Variants in MXRA5 observed in about 807,000 individuals in gnomAD.
The protein encoded by MXRA5 is matrix-remodeling-associated protein 5.
In MXRA5, 41 loss-of-function variants were observed where a neutral mutation model predicts 112.5. That is an observed-to-expected ratio of 0.36 (90% CI 0.28 to 0.47). The LOEUF is 0.47. Ranked by LOEUF, MXRA5 falls within the 20% of genes least tolerant of loss-of-function variation. The pLI is 0.99. For synonymous variants in MXRA5, 862 were observed against 900.8 expected (o/e 0.96, Z 0.77); for missense variants, 2,150 against 2,251.0 (o/e 0.96, Z 0.91).
chrX:3,343,898 G>A, intron 1 of MXRA5, 37 bp from the exon 2 acceptor site: 1 of 1,101,211 alleles, frequency 9.1e-7, no homozygotes, highest in Non-Finnish European at 1.2e-6. Flanking sequence ...CTTATTCACA[G>A]GTAGCACCGA....
intron 2 of MXRA5, among the ~76,000 whole-genome samples, chrX:3,341,683 A>T (rs1422351237): frequency 2.6e-5 from 2 of 78,301 alleles, no homozygotes; most frequent in East Asian, 7.1e-4. Context: ...TATTATATAT[A>T]TTATAAAGAT....
At position 3,324,998 on chromosome X, in the gene MXRA5, C is replaced by A. The variant is rs375473861; in HGVS notation, c.710-23G>T. ...TTCCTAAAACAAATAAGCAAATAGA[C>A]AATAGGGTAAGGAGCCAAAGAATGG... On this transcript the variant is annotated intron_variant, in intron 4 of 6. Coordinates refer to ENST00000217939, the MANE Select transcript of MXRA5 (RefSeq NM_015419.4). 44 of 1,145,760 alleles carry A rather than the reference C, an allele frequency of 3.8e-5. No individual in the cohort carries two copies. In the African/African-American group the frequency reaches 6.8e-4, roughly 18 times the overall value. 94.4% of individuals were successfully genotyped at this position (1,145,760 alleles called of 1,213,427 possible).
intron 6 of MXRA5, among the ~76,000 whole-genome samples, chrX:3,312,852 G>A (rs1921008318): frequency 8.9e-6 from 1 of 111,917 alleles, no homozygotes; most frequent in Admixed American, 9.5e-5. Context: ...TTACAGGCAT[G>A]AGCCACCATA....
chrX:3,332,491 C>A (rs1397906436), intron 2 of MXRA5, among the ~76,000 whole-genome samples: 1 of 110,804 alleles, frequency 9.0e-6, no homozygotes, highest in Non-Finnish European at 1.9e-5. Flanking sequence ...TGATCCGCCC[C>A]ACTCGGCCTC....
At position 3,324,354 on chromosome X, in the gene MXRA5, C is replaced by T. The variant is rs12841207; in HGVS notation, c.1331G>A (p.Arg444His). The change falls in exon 5 of 7, where the codon CGT (arginine) becomes CAT (histidine). Residue 444 changes from arginine (R) to histidine (H), a missense_variant. Around this residue, in one of 6 missense-constraint regions of MXRA5, gnomAD observed 386 missense variants for 411.0 expected, o/e 0.94. Coordinates refer to ENST00000217939, the MANE Select transcript of MXRA5 (RefSeq NM_015419.4). ...QPSIDIQLNRRQSTAKKVLLS... is the reference protein window; with the variant it reads ...QPSIDIQLNRHQSTAKKVLLS... ...TAGCACCTTCTTGGCCGTACTCTGACGTCGGTTCAGCTGGATATCTATGGA... is the reference window on the plus strand; with the variant it reads ...TAGCACCTTCTTGGCCGTACTCTGATGTCGGTTCAGCTGGATATCTATGGA... 9 of 1,209,358 alleles carry T rather than the reference C, an allele frequency of 7.4e-6. No individual in the cohort carries two copies. Among genetic ancestry groups the T allele is most frequent in the East Asian group, 3.0e-5 (1 of 33,737 alleles).
chrX:3,341,408 ATTAT>A lies in MXRA5; in HGVS notation c.188+2234_188+2237del, dbSNP rs1333817229. Among the ~76,000 whole-genome samples, 97 of 21,219 alleles carry A rather than the reference ATTAT, an allele frequency of 4.6e-3. 3 individuals are homozygous for A. The highest frequency in any genetic ancestry group is 0.019 in the African/African-American group (47 of 2,428). 18.4% of individuals were successfully genotyped at this position (21,219 alleles called of 115,157 possible). A position where few individuals can be genotyped will look rare whatever the true frequency, so the allele number is the denominator to read the frequency against. ...ATATATAATATATATAATATATATT[ATTAT>A]TATATATAATATATGTAATATATAT... On this transcript the variant is annotated intron_variant, in intron 2 of 6. Coordinates refer to ENST00000217939, the MANE Select transcript of MXRA5 (RefSeq NM_015419.4).
At position 3,346,028 on chromosome X, in the gene MXRA5, G is replaced by T. The variant is rs192546039; in HGVS notation, c.-29+487C>A. Among the ~76,000 whole-genome samples the T allele has an allele frequency of 2.5e-3, 283 of 112,421 alleles. 1 individual carries two copies. The highest frequency in any genetic ancestry group is 8.3e-3 in the African/African-American group (258 of 31,027). On this transcript the variant is annotated intron_variant, in intron 1 of 6. Transcript: ENST00000217939. ...AGGAGGAAAGAGGCGGGGAAGGAGA[G>T]GGGGAAGAGAGGAGGGAGAGGAGAC...
chrX:3,328,876 GGAAGGAAGGAA>G (rs1222232424), intron 4 of MXRA5, among the ~76,000 whole-genome samples: 2 of 98,814 alleles, frequency 2.0e-5, no homozygotes, highest in Admixed American at 1.1e-4. Flanking sequence ...GAAGGCAGGA[GGAAGGAAGGAA>G]GAAGGAAGGA....
intron 4 of MXRA5, among the ~76,000 whole-genome samples, chrX:3,328,699 C>T (rs1160944018): frequency 9.6e-6 from 1 of 104,611 alleles, no homozygotes; most frequent in Non-Finnish European, 1.9e-5. Flanking sequence ...ATGGTAAACA[C>T]AATGCAATCT....
chrX:3,316,832 A>G (rs1407314339), intron 6 of MXRA5, among the ~76,000 whole-genome samples: 1 of 108,604 alleles, frequency 9.2e-6, no homozygotes, highest in Non-Finnish European at 1.9e-5. Flanking sequence ...GCTCGCCACA[A>G]TGCCCGCAAA....
intron 2 of MXRA5, 100 bp from the exon 3 acceptor site, chrX:3,330,873 G>C: frequency 1.9e-6 from 1 of 525,420 alleles, no homozygotes; most frequent in East Asian, 4.1e-5. Context: ...GCCTGCCCAA[G>C]AGCAAATTAG....
intron 4 of MXRA5, among the ~76,000 whole-genome samples, chrX:3,325,441 T>TA (rs1372384518): frequency 1.1e-5 from 1 of 91,971 alleles, no homozygotes; most frequent in Non-Finnish European, 2.2e-5. Flanking sequence ...TATACCAATA[T>TA]ATATTAAAAA....
intron 6 of MXRA5, among the ~76,000 whole-genome samples, chrX:3,314,535 A>G (rs1921042284): frequency 8.9e-6 from 1 of 112,369 alleles, no homozygotes; most frequent in South Asian, 3.7e-4. Flanking sequence ...TGGATGGATG[A>G]ATAGATGGAT....
At chrX:3,342,835 A>G (rs1200292686) in intron 2 of MXRA5, among the ~76,000 whole-genome samples, 1 of 112,426 alleles carries the variant, frequency 8.9e-6, no homozygotes, top group African/African-American at 3.2e-5. Flanking sequence ...ACTTTGTTCT[A>G]TAAGATGTCC....
At chrX:3,316,238 C>T (rs1256532726) in intron 6 of MXRA5, among the ~76,000 whole-genome samples, 2 of 33,267 alleles carry the variant, frequency 6.0e-5, no homozygotes, top group African/African-American at 2.0e-4. Context: ...GGCGTGAACC[C>T]GGGAGGCGGA....
chrX:3,330,419 A>G lies in MXRA5; in HGVS notation c.319-11T>C. On this transcript the variant is annotated splice_polypyrimidine_tract_variant and intron_variant, in intron 3 of 6. Coordinates refer to ENST00000217939, the MANE Select transcript of MXRA5 (RefSeq NM_015419.4). Reference sequence around the variant, plus strand: ...GCTGAACTTGAAAACCTGCAAGGACAGGGGAAAACAAAACAAAACAAAAGG... The same window carrying G: ...GCTGAACTTGAAAACCTGCAAGGACGGGGGAAAACAAAACAAAACAAAAGG... 1 of 1,176,090 alleles carries G rather than the reference A, an allele frequency of 8.5e-7. No individual in the cohort carries two copies. The highest frequency in any genetic ancestry group is 1.1e-6 in the Non-Finnish European group (1 of 880,639).
chrX:3,317,914 G>C lies in MXRA5; in HGVS notation c.5767C>G (p.Arg1923Gly), dbSNP rs527784574. ...LVIRKVQVQD[R>G]GQYMCTASNL... ...CTGGCGGTGCACATATACTGGCCTC[G>C]ATCTTGTACTTGAACCTTCCGTATC... Residue 1923 changes from arginine (R) to glycine (G), a missense_variant, in exon 6 of 7, where the codon CGA becomes GGA. Physicochemically the swap from Arg to Gly is moderately radical, Grantham distance 125 (BLOSUM62 -2). Coordinates refer to ENST00000217939, the MANE Select transcript of MXRA5 (RefSeq NM_015419.4). 5.8e-6 allele frequency: 7 copies of C among 1,211,110 alleles called. No individual in the cohort carries two copies. The African/African-American group carries it at 6.9e-5, about 12-fold the overall frequency.
In MXRA5 at chrX:3,326,836, ATG is replaced by A. The variant is rs1186217240; in HGVS notation, c.710-1863_710-1862del. On this transcript the variant is annotated intron_variant, in intron 4 of 6. Transcript: ENST00000217939. ...CTTCAGCGTCAATGGCCTCTCGCAT[ATG>A]TGTGGTTCCAATTACCATCCACCCG... Among the ~76,000 whole-genome samples the A allele has an allele frequency of 2.7e-5, 3 of 110,600 alleles. No homozygotes were observed. The Admixed American group carries it at 2.9e-4, about 11-fold the overall frequency.
intron 6 of MXRA5, among the ~76,000 whole-genome samples, chrX:3,315,379 T>TG (rs1569181307): frequency 3.4e-4 from 14 of 41,364 alleles, no homozygotes; most frequent in Middle Eastern, 0.014. Flanking sequence ...ATAGAATAGA[T>TG]AGATAGATAG....
Sources: allele counts gnomAD v4.1 joint callset (sites outside exome capture counted in the v4.1 genomes callset), GRCh38; gene constraint gnomAD v4.1.1; regional missense constraint gnomAD v4.1.1; transcripts MANE v1.5; gene names NCBI Gene and HGNC (gene_info 2026-07-23, HGNC 2026-07-21).